PTPRT: variants seen among roughly 807,000 people sequenced by gnomAD.
PTPRT encodes the protein protein tyrosine phosphatase receptor type T.
Under a neutral mutation model 176.8 loss-of-function variants are expected in PTPRT, and 56 were observed. The ratio of observed to expected loss-of-function variants is 0.32; its 90% confidence interval spans 0.26 to 0.40. The LOEUF (loss-of-function observed/expected upper bound fraction) is 0.40. PTPRT is among the 10% of genes least tolerant of loss of function. The probability of loss-of-function intolerance (pLI) is 1.00; values close to 1 mark genes in which losing one functional copy is unlikely to be tolerated. For synonymous variants in PTPRT, 783 were observed against 739.0 expected, an observed-to-expected ratio of 1.06 and a Z score of -0.96; for missense variants, 1,540 against 1,908.2, an observed-to-expected ratio of 0.81 and a Z score of 3.60.
chr20:42,069,343 A>C (rs1315067813), downstream of PTPRT, among the ~76,000 whole-genome samples: 1 of 152,226 alleles, frequency 6.6e-6, no homozygotes, highest in East Asian at 1.9e-4. Flanking sequence ...GCTCTATAGC[A>C]GGAATGTTTT....
chr20:42,288,588 C>T (rs2057269340), intron 12 of PTPRT, among the ~76,000 whole-genome samples: 1 of 151,944 alleles, frequency 6.6e-6, no homozygotes, highest in Non-Finnish European at 1.5e-5. Context: ...CAATGTTTAG[C>T]TCTCACTTAC....
intron 2 of PTPRT, among the ~76,000 whole-genome samples, chr20:42,871,021 G>A (rs2078836530): frequency 6.6e-6 from 1 of 151,156 alleles, no homozygotes; most frequent in Admixed American, 6.6e-5. Flanking sequence ...CACAATCTTG[G>A]CTCACTGCAA....
At chr20:42,552,514 A>G (rs2072787706) in intron 7 of PTPRT, among the ~76,000 whole-genome samples, 2 of 152,144 alleles carry the variant, frequency 1.3e-5, no homozygotes, top group African/African-American at 4.8e-5. Context: ...CAAAAATGAC[A>G]CCACAATTTA....
At chr20:42,857,505 G>A (rs1424507494) in intron 2 of PTPRT, among the ~76,000 whole-genome samples, 2 of 152,032 alleles carry the variant, frequency 1.3e-5, no homozygotes, top group Non-Finnish European at 1.5e-5. Context: ...TCTGTCTGTC[G>A]GCTGTCAGCT....
chr20:42,112,137 G>C (rs1384746058), intron 22 of PTPRT, among the ~76,000 whole-genome samples: 1 of 152,210 alleles, frequency 6.6e-6, no homozygotes, highest in South Asian at 2.1e-4. Context: ...ACAAGAGGAA[G>C]TGCATCATTA....
At chr20:42,855,848 A>G (rs2078554303) in intron 2 of PTPRT, among the ~76,000 whole-genome samples, 1 of 152,178 alleles carries the variant, frequency 6.6e-6, no homozygotes, top group African/African-American at 2.4e-5. Context: ...GAAAGGTGTG[A>G]ATATTCCACT....
intron 1 of PTPRT, among the ~76,000 whole-genome samples, chr20:42,901,682 C>A (rs532433024): frequency 6.6e-6 from 1 of 152,144 alleles, no homozygotes; most frequent in Non-Finnish European, 1.5e-5. Context: ...ACACCAACCC[C>A]ACAAGACCCC....
At chr20:42,387,413 G>A (rs1388149061) in intron 9 of PTPRT, among the ~76,000 whole-genome samples, 2 of 152,232 alleles carry the variant, frequency 1.3e-5, no homozygotes, top group Non-Finnish European at 2.9e-5. Flanking sequence ...GCTACAGGGT[G>A]TGAATTTTTG....
At chr20:42,416,996 T>G (rs946535678) in intron 9 of PTPRT, among the ~76,000 whole-genome samples, 8 of 152,240 alleles carry the variant, frequency 5.3e-5, no homozygotes, top group Middle Eastern at 3.4e-3. Flanking sequence ...ATGGTGTTTG[T>G]GCTATAGTAA....
chr20:42,389,866 A>AC (rs1555839178), intron 9 of PTPRT, among the ~76,000 whole-genome samples: 1 of 138,434 alleles, frequency 7.2e-6, no homozygotes, highest in African/African-American at 2.7e-5. Context: ...AAAAAAAAAA[A>AC]AAAGAAAGAA....
At chr20:43,018,089 A>G (rs920017072) in intron 1 of PTPRT, among the ~76,000 whole-genome samples, 1 of 152,238 alleles carries the variant, frequency 6.6e-6, no homozygotes, top group Non-Finnish European at 1.5e-5. Context: ...ACTGCAGTTC[A>G]GAGAGGTTGA....
At chr20:42,814,081 A>AT (rs1271226229) in intron 2 of PTPRT, among the ~76,000 whole-genome samples, 1 of 152,162 alleles carries the variant, frequency 6.6e-6, no homozygotes, top group Non-Finnish European at 1.5e-5. Flanking sequence ...GTATTGAGGA[A>AT]TCCCCAAACT....
At chr20:42,632,664 T>C (rs530525358) in intron 7 of PTPRT, among the ~76,000 whole-genome samples, 1 of 149,392 alleles carries the variant, frequency 6.7e-6, no homozygotes, top group Non-Finnish European at 1.5e-5. Context: ...ATATTACTAA[T>C]TTTACTATAT....
At chr20:42,821,333 C>T (rs562931732) in intron 2 of PTPRT, among the ~76,000 whole-genome samples, 1 of 152,174 alleles carries the variant, frequency 6.6e-6, no homozygotes, top group African/African-American at 2.4e-5. Context: ...TCAATAGGTA[C>T]AGAAAAGGCC....
chr20:43,070,638 T>C lies in PTPRT; in HGVS notation c.88+119008A>G, dbSNP rs189068531. On this transcript the variant is annotated intron_variant, in intron 1 of 30. Coordinates refer to ENST00000373187, the MANE Select transcript of PTPRT (RefSeq NM_007050.6). Reference sequence around the variant, plus strand: ...GGCACATATACACCATGGAATACTATGCAGCCATAAAAGAGGATGAGTTCA... The same window carrying C: ...GGCACATATACACCATGGAATACTACGCAGCCATAAAAGAGGATGAGTTCA... Among the ~76,000 whole-genome samples, 980 of 152,256 alleles carry C rather than the reference T, an allele frequency of 6.4e-3. 11 individuals are homozygous for C. The highest frequency in any genetic ancestry group is 0.011 in the Non-Finnish European group (753 of 68,018).
chr20:42,638,856 A>G (rs34701422), intron 7 of PTPRT, among the ~76,000 whole-genome samples: 15,373 of 152,202 alleles, frequency 0.1, 994 homozygotes, highest in Non-Finnish European at 0.15. Flanking sequence ...TTTCCCACAC[A>G]TTAGAAAGAT....
At chr20:42,267,692 C>T (rs1441008706) in intron 13 of PTPRT, among the ~76,000 whole-genome samples, 1 of 152,062 alleles carries the variant, frequency 6.6e-6, no homozygotes, top group Non-Finnish European at 1.5e-5. Flanking sequence ...GTGCACAGGA[C>T]AGCCCCCTGC....
chr20:42,779,129 G>C (rs560482049), intron 4 of PTPRT, among the ~76,000 whole-genome samples: 3 of 152,254 alleles, frequency 2.0e-5, no homozygotes, highest in African/African-American at 7.2e-5. Context: ...GTGCCAGGCA[G>C]AGGGAGGGAA....
chr20:42,394,935 G>A (rs2058834809), intron 9 of PTPRT, among the ~76,000 whole-genome samples: 1 of 152,164 alleles, frequency 6.6e-6, no homozygotes, highest in South Asian at 2.1e-4. Context: ...TGTTCAAAAT[G>A]TTCTTGCCCC....
Sources: allele counts gnomAD v4.1 joint callset (sites outside exome capture counted in the v4.1 genomes callset), GRCh38; gene constraint gnomAD v4.1.1; transcripts MANE v1.5; gene names NCBI Gene and HGNC (gene_info 2026-07-23, HGNC 2026-07-21).